LRRC47: variants seen among roughly 807,000 people sequenced by gnomAD.
LRRC47 encodes the protein leucine-rich repeat-containing protein 47.
Under a neutral mutation model 40.9 loss-of-function variants are expected in LRRC47, and 31 were observed. That is an observed-to-expected ratio of 0.76 (90% CI 0.57 to 1.02). LRRC47 has a LOEUF of 1.02. Ranked by LOEUF, LRRC47 falls within the 50% of genes least tolerant of loss-of-function variation. The pLI is 0.00. For missense variants in LRRC47, 726 were observed against 796.1 expected (o/e 0.91, Z 1.06); for synonymous variants, 427 against 371.9 (o/e 1.15, Z -1.70).
intron 1 of LRRC47, among the ~76,000 whole-genome samples, chr1:3,791,273 C>T (rs1025408776): frequency 2.6e-5 from 4 of 152,220 alleles, no homozygotes; most frequent in South Asian, 2.1e-4. Flanking sequence ...CTCGTGGTTT[C>T]GGAGTCAAGC....
intron 4 of LRRC47, 56 bp from the exon 5 acceptor site, chr1:3,782,819 G>C (rs1269491181): frequency 9.1e-7 from 1 of 1,099,446 alleles, no homozygotes. Context: ...CACTGTGCTG[G>C]GTGTGGTGGC....
intron 2 of LRRC47, among the ~76,000 whole-genome samples, chr1:3,785,988 G>T (rs1643568996): frequency 6.6e-6 from 1 of 151,842 alleles, no homozygotes; most frequent in Non-Finnish European, 1.5e-5. Context: ...TCCTGCCTCG[G>T]CCTCCCCAGT....
Position 3,795,976 on chromosome 1 carries a change from G to T in LRRC47, c.501C>A (p.Ser167=). Reference sequence around the variant, plus strand: ...CGGGGCGAAAGAGCTCGGCGGGAAAGGAGTCTAGGCAATTGCCGGTGAGGT... The same window carrying T: ...CGGGGCGAAAGAGCTCGGCGGGAAATGAGTCTAGGCAATTGCCGGTGAGGT... ...SLNLTGNCLD[S]FPAELFRPGA... Residue 167 remains serine, a synonymous_variant, in exon 1 of 7, where the codon TCC becomes TCA. Transcript: ENST00000378251. The T allele has an allele frequency of 8.2e-6, 13 of 1,581,518 alleles. No homozygotes were observed. Among genetic ancestry groups the T allele is most frequent in the South Asian group, 1.1e-5 (1 of 87,128 alleles).
rs1281577762 is a variant in LRRC47, at chr1:3,788,732, A to G, written c.616-1422T>C. On this transcript the variant is annotated intron_variant, in intron 1 of 6. Coordinates refer to ENST00000378251, the MANE Select transcript of LRRC47 (RefSeq NM_020710.3). Reference sequence around the variant, plus strand: ...GCGGGAAGGGTGGCACGGCTCAGACATGGGAGGGTGCACTGGATGAGTTCC... The same window carrying G: ...GCGGGAAGGGTGGCACGGCTCAGACGTGGGAGGGTGCACTGGATGAGTTCC... 2.0e-5 allele frequency among the ~76,000 whole-genome samples: 3 copies of G among 152,182 alleles called. No individual in the cohort carries two copies. The East Asian group carries it at 5.8e-4, about 29-fold the overall frequency.
chr1:3,783,420 C>CAA (rs56305825), intron 4 of LRRC47, among the ~76,000 whole-genome samples: 74,723 of 115,660 alleles, frequency 0.65, 22,944 homozygotes, highest in African/African-American at 0.76. Context: ...GACCCCATCT[C>CAA]AAAAAAAAAA....
intron 1 of LRRC47, among the ~76,000 whole-genome samples, chr1:3,791,360 G>A (rs1342207686): frequency 6.6e-6 from 1 of 152,218 alleles, no homozygotes; most frequent in Non-Finnish European, 1.5e-5. Context: ...TCTTCCTACA[G>A]AGGAGCAAAG....
At chr1:3,781,419 A>C in intron 6 of LRRC47, 83 bp from the exon 7 acceptor site, 1 of 1,575,450 alleles carries the variant, frequency 6.3e-7, no homozygotes, top group South Asian at 1.1e-5. Flanking sequence ...CACAGTAAGC[A>C]AAAAAGAGGC....
chr1:3,790,325 G>A (rs951104421), intron 1 of LRRC47, among the ~76,000 whole-genome samples: 13 of 152,348 alleles, frequency 8.5e-5, no homozygotes, highest in African/African-American at 3.1e-4. Flanking sequence ...GGCTTCAGGA[G>A]GGTTCACATT....
chr1:3,782,067 C>T lies in LRRC47; in HGVS notation c.1414-466G>A, dbSNP rs994000966. On this transcript the variant is annotated intron_variant, in intron 5 of 6. Coordinates refer to ENST00000378251, the MANE Select transcript of LRRC47 (RefSeq NM_020710.3). Reference sequence around the variant, plus strand: ...CAGTGCTGCACACAGCATCCCGGGCCGTCACGCAGCACCGAGCATGAACAG... The same window carrying T: ...CAGTGCTGCACACAGCATCCCGGGCTGTCACGCAGCACCGAGCATGAACAG... Among the ~76,000 whole-genome samples the T allele has an allele frequency of 3.3e-5, 5 of 152,162 alleles. 1 individual carries two copies. The highest frequency in any genetic ancestry group is 4.1e-4 in the South Asian group (2 of 4,834).
Position 3,779,436 on chromosome 1 carries a change from T to C in LRRC47, c.*1652A>G, listed in dbSNP as rs2799182. 84,850 of 152,102 alleles carry C rather than the reference T, an allele frequency of 0.56. 26,312 individuals are homozygous for C. Among genetic ancestry groups the C allele is most frequent in the African/African-American group, 0.83 (34,332 of 41,504 alleles). The allele number at this position is 152,102 out of a possible 1,614,324, so 9.4% of individuals were successfully genotyped here. On this transcript the variant is annotated 3_prime_UTR_variant, in exon 7 of 7. Transcript: ENST00000378251. ...ACCCAGATCGTAAGGCAGTGGGGTC[T>C]GTAAAATCATCGCGGTGGCTGGCCG...
chr1:3,794,853 G>A (rs925735212), intron 1 of LRRC47, among the ~76,000 whole-genome samples: 5 of 151,584 alleles, frequency 3.3e-5, no homozygotes, highest in Admixed American at 2.6e-4. Context: ...TCAGGAGTTC[G>A]AGACCAGCCT....
intron 1 of LRRC47, 130 bp downstream of exon 1, chr1:3,795,732 G>T (rs555594649): frequency 7.9e-7 from 1 of 1,261,978 alleles, no homozygotes; most frequent in Non-Finnish European, 1.0e-6. Flanking sequence ...GCTCCTTTCA[G>T]CCTTGTAGGA....
At chr1:3,782,946 G>A (rs1448757018) in intron 4 of LRRC47, 183 bp from the exon 5 acceptor site, 8 of 593,416 alleles carry the variant, frequency 1.3e-5, no homozygotes, top group Non-Finnish European at 3.0e-6. Flanking sequence ...CATCACTATG[G>A]TGAGCTCCTG....
rs113302745 is a variant in LRRC47, at chr1:3,792,834, T to C, written c.615+3028A>G. 4.4e-3 allele frequency among the ~76,000 whole-genome samples: 673 copies of C among 152,328 alleles called. 3 individuals carry two copies. Among genetic ancestry groups the C allele is most frequent in the African/African-American group, 0.015 (620 of 41,564 alleles). On this transcript the variant is annotated intron_variant, in intron 1 of 6. Coordinates refer to ENST00000378251, the MANE Select transcript of LRRC47 (RefSeq NM_020710.3). ...TGCAACTGACTGGACACTTACATGATGTAAGGCACAATGTTAAGATACATG... is the reference window on the plus strand; with the variant it reads ...TGCAACTGACTGGACACTTACATGACGTAAGGCACAATGTTAAGATACATG...
chr1:3,795,571 G>C (rs1643665620), intron 1 of LRRC47, among the ~76,000 whole-genome samples: 1 of 152,236 alleles, frequency 6.6e-6, no homozygotes, highest in African/African-American at 2.4e-5. Flanking sequence ...AGCCAGGTTT[G>C]CTAACAATTA....
intron 1 of LRRC47, among the ~76,000 whole-genome samples, chr1:3,791,223 C>T (rs1053793305): frequency 1.3e-5 from 2 of 152,148 alleles, no homozygotes; most frequent in Non-Finnish European, 2.9e-5. Context: ...CACTGTCTGG[C>T]GGAGCCAGCC....
At position 3,782,192 on chromosome 1, in the gene LRRC47, G is replaced by A. The variant is rs374574634; in HGVS notation, c.1413+469C>T. On this transcript the variant is annotated intron_variant, in intron 5 of 6. Transcript: ENST00000378251. Reference sequence around the variant, plus strand: ...CTCACAATGCAGCAGATACTTGTGTGTGTTAATTCTTTTTCTTTCTTCCTC... The same window carrying A: ...CTCACAATGCAGCAGATACTTGTGTATGTTAATTCTTTTTCTTTCTTCCTC... Among the ~76,000 whole-genome samples, 7 of 152,156 alleles carry A rather than the reference G, an allele frequency of 4.6e-5. No homozygotes were observed. In the East Asian group the frequency reaches 1.4e-3, roughly 29 times the overall value.
rs777930783 is a variant in LRRC47 at position 3,785,178 on chromosome 1, TCA to T, written c.1101_1102del (p.Cys367Ter). On this transcript the variant is annotated stop_gained and frameshift_variant, in exon 3 of 7. Coordinates refer to ENST00000378251, the MANE Select transcript of LRRC47 (RefSeq NM_020710.3). LOFTEE classifies it high-confidence loss of function. ...GGCAAGGGTGGCAGCCGTCCTCTTC[TCA>T]CAGAGATCTTCGTGGAGCTTGGTCT... 1.9e-6 allele frequency: 3 copies of T among 1,586,922 alleles called. No individual in the cohort carries two copies. The South Asian group carries it at 3.4e-5, about 18-fold the overall frequency.
Position 3,796,263 on chromosome 1 carries a change from G to A in LRRC47, c.214C>T (p.Gln72Ter). The A allele has an allele frequency of 6.8e-7, 1 of 1,468,772 alleles. No individual in the cohort carries two copies. The highest frequency in any genetic ancestry group is 8.9e-7 in the Non-Finnish European group (1 of 1,118,940). 91.0% of individuals were successfully genotyped at this position (1,468,772 alleles called of 1,614,324 possible). A position where few individuals can be genotyped will look rare whatever the true frequency, so the allele number is the denominator to read the frequency against. ...SLRAPGPGLA[Q>*]GLPQLHSLVL... ...AGGCTGTGCAGCTGCGGCAGGCCCT[G>A]CGCCAGGCCAGGCCCCGGCGCGCGC... The change falls in exon 1 of 7, where the codon CAG becomes TAG. Residue 72 changes from glutamine (Q) to a stop codon, truncating the protein, a stop_gained. Coordinates refer to ENST00000378251, the MANE Select transcript of LRRC47 (RefSeq NM_020710.3). LOFTEE classifies it high-confidence loss of function.
Sources: allele counts gnomAD v4.1 joint callset (sites outside exome capture counted in the v4.1 genomes callset), GRCh38; gene constraint gnomAD v4.1.1; transcripts MANE v1.5; gene names NCBI Gene and HGNC (gene_info 2026-07-23, HGNC 2026-07-21).